The following ATRNL1 variants were observed in gnomAD, a reference collection of about 807,000 sequenced individuals.
The protein encoded by ATRNL1 is attractin like 1, also known as attractin-like protein 1.
A neutral mutation model predicts 182.7 loss-of-function variants in ATRNL1; 95 were observed. That is an observed-to-expected ratio of 0.52 (90% CI 0.44 to 0.62). The LOEUF (loss-of-function observed/expected upper bound fraction) is 0.62. ATRNL1 is among the 20% of genes least tolerant of loss of function. The pLI is 0.00. For missense variants in ATRNL1, 1,471 were observed against 1,679.5 expected (o/e 0.88, Z 2.17); for synonymous variants, 576 against 568.3 (o/e 1.01, Z -0.19).
At chr10:115,654,973 A>G (rs1555035387) in intron 26 of ATRNL1, among the ~76,000 whole-genome samples, 1 of 152,196 alleles carries the variant, frequency 6.6e-6, no homozygotes, top group Non-Finnish European at 1.5e-5. Context: ...TGGGTAGGCC[A>G]GCTACCATGT....
chr10:115,466,357 A>T (rs911317090), intron 22 of ATRNL1, among the ~76,000 whole-genome samples: 16 of 151,434 alleles, frequency 1.1e-4, no homozygotes, highest in African/African-American at 2.9e-4. Flanking sequence ...TGTAGAGAAT[A>T]TTTAAAATAA....
chr10:115,815,415 A>ATGTGTGTGTGTG (rs367551845), intron 27 of ATRNL1, among the ~76,000 whole-genome samples: 1,842 of 143,010 alleles, frequency 0.013, 20 homozygotes, highest in African/African-American at 0.017. Flanking sequence ...GTGTGTGTGT[A>ATGTGTGTGTGTG]TGTGTGTGTG....
intron 23 of ATRNL1, 23 bp downstream of exon 23, chr10:115,467,275 T>C: frequency 6.5e-7 from 1 of 1,529,940 alleles, no homozygotes; most frequent in Non-Finnish European, 9.0e-7. Flanking sequence ...TGATGTCATA[T>C]CTCTTTTACA....
chr10:115,578,692 T>C (rs1405711487), intron 26 of ATRNL1, among the ~76,000 whole-genome samples: 1 of 151,610 alleles, frequency 6.6e-6, no homozygotes, highest in Non-Finnish European at 1.5e-5. Context: ...ATTTTAGTTT[T>C]GTTAATATTT....
At position 115,946,173 on chromosome 10, in the gene ATRNL1, C is replaced by T. The variant is rs1057210580; in HGVS notation, c.*1394C>T. On this transcript the variant is annotated 3_prime_UTR_variant, in exon 29 of 29. Coordinates refer to ENST00000355044, the MANE Select transcript of ATRNL1 (RefSeq NM_207303.4). Reference sequence around the variant, plus strand: ...ATATAGCTTTGTTAAATATGAAGGTCCTTTAAATACAATTGATGTTTAGTA... The same window carrying T: ...ATATAGCTTTGTTAAATATGAAGGTTCTTTAAATACAATTGATGTTTAGTA... 3.3e-5 allele frequency: 5 copies of T among 152,148 alleles called. No individual in the cohort carries two copies. The highest frequency in any genetic ancestry group is 5.9e-5 in the Non-Finnish European group (4 of 68,036). The allele number at this position is 152,148 out of a possible 1,614,324, so 9.4% of individuals were successfully genotyped here.
chr10:115,786,639 G>T (rs1443406859), intron 27 of ATRNL1, among the ~76,000 whole-genome samples: 1 of 152,126 alleles, frequency 6.6e-6, no homozygotes, highest in Non-Finnish European at 1.5e-5. Context: ...TATCTGCAAA[G>T]ACTCTATTTC....
At chr10:115,772,240 A>G (rs1832791664) in intron 27 of ATRNL1, among the ~76,000 whole-genome samples, 1 of 152,198 alleles carries the variant, frequency 6.6e-6, no homozygotes, top group South Asian at 2.1e-4. Context: ...CAATATTCAC[A>G]ATGGCATTTC....
chr10:115,633,941 T>C (rs1324202032), intron 26 of ATRNL1, among the ~76,000 whole-genome samples: 1 of 152,106 alleles, frequency 6.6e-6, no homozygotes, highest in Non-Finnish European at 1.5e-5. Flanking sequence ...AAATTTACCT[T>C]TATTATCATT....
In ATRNL1 at chr10:115,506,969, A is replaced by G. The variant is rs540428361; in HGVS notation, c.3655-12294A>G. ...CACAGCCTCAGGAAGTTTTGATGAC[A>G]TGTGCCCAAAGTGATTAGAACACAG... is the stretch of plus-strand genomic sequence containing the variant. On this transcript the variant is annotated intron_variant, in intron 24 of 28. Transcript: ENST00000355044. 2.2e-4 allele frequency among the ~76,000 whole-genome samples: 33 copies of G among 152,226 alleles called. No homozygotes were observed. In the South Asian group the frequency reaches 2.9e-3, roughly 13 times the overall value.
chr10:115,358,247 A>T (rs1172603299), intron 19 of ATRNL1, among the ~76,000 whole-genome samples: 2 of 151,738 alleles, frequency 1.3e-5, no homozygotes, highest in African/African-American at 4.8e-5. Flanking sequence ...AAGAAAAAAG[A>T]GACAATTTTC....
intron 5 of ATRNL1, among the ~76,000 whole-genome samples, chr10:115,158,097 C>T (rs1296535340): frequency 1.3e-5 from 2 of 151,822 alleles, no homozygotes; most frequent in Non-Finnish European, 2.9e-5. Context: ...TCTGAATGTC[C>T]GTTTCCCAGA....
intron 26 of ATRNL1, among the ~76,000 whole-genome samples, chr10:115,568,299 CTTTT>C (rs1555002510): frequency 6.6e-6 from 1 of 151,888 alleles, no homozygotes; most frequent in African/African-American, 2.4e-5. Context: ...TTGGTTTCAT[CTTTT>C]TTATGTTAAA....
At chr10:115,481,333 A>G (rs1466271388) in intron 24 of ATRNL1, among the ~76,000 whole-genome samples, 2 of 150,742 alleles carry the variant, frequency 1.3e-5, no homozygotes, top group Non-Finnish European at 3.0e-5. Flanking sequence ...CTTTGTGTGC[A>G]TTCATCTTCT....
intron 9 of ATRNL1, among the ~76,000 whole-genome samples, chr10:115,232,288 G>A (rs1849987560): frequency 1.3e-5 from 2 of 151,850 alleles, no homozygotes; most frequent in Non-Finnish European, 2.9e-5. Context: ...AATATTTTTT[G>A]CCAATATGGT....
At chr10:115,150,535 A>C (rs1554880337) in intron 5 of ATRNL1, among the ~76,000 whole-genome samples, 1 of 151,104 alleles carries the variant, frequency 6.6e-6, no homozygotes, top group African/African-American at 2.4e-5. Context: ...TTATGTTTTG[A>C]TTTTCATTTG....
At chr10:115,582,439 A>G (rs1447987842) in intron 26 of ATRNL1, among the ~76,000 whole-genome samples, 3 of 135,782 alleles carry the variant, frequency 2.2e-5, no homozygotes, top group Admixed American at 7.8e-5. Context: ...TTGCCATTCT[A>G]ACTGGTGTGA....
chr10:115,353,669 T>C lies in ATRNL1; in HGVS notation c.3175+19250T>C, dbSNP rs372520464. On this transcript the variant is annotated intron_variant, in intron 19 of 28. Coordinates refer to ENST00000355044, the MANE Select transcript of ATRNL1 (RefSeq NM_207303.4). Reference sequence around the variant, plus strand: ...TTTCTTCCTCTCTTCCTTTTTAGATTAGTGATTTCCTCTGGCTGTATGTTT... The same window carrying C: ...TTTCTTCCTCTCTTCCTTTTTAGATCAGTGATTTCCTCTGGCTGTATGTTT... Among the ~76,000 whole-genome samples, 39 of 152,324 alleles carry C rather than the reference T, an allele frequency of 2.6e-4. 1 individual carries two copies. The South Asian group carries it at 8.1e-3, about 32-fold the overall frequency.
chr10:115,639,083 T>G (rs2133851821), intron 26 of ATRNL1, among the ~76,000 whole-genome samples: 1 of 151,924 alleles, frequency 6.6e-6, no homozygotes, highest in African/African-American at 2.4e-5. Flanking sequence ...TGCTAAGAAA[T>G]CCCCACCAAA....
intron 3 of ATRNL1, among the ~76,000 whole-genome samples, chr10:115,123,773 C>G (rs1844843460): frequency 6.6e-6 from 1 of 152,140 alleles, no homozygotes; most frequent in Admixed American, 6.5e-5. Flanking sequence ...CAGCTGCTCC[C>G]CACTGCTTGC....
Sources: gnomAD v4.1 joint callset for allele counts (sites outside exome capture counted in the v4.1 genomes callset) on GRCh38, gnomAD v4.1.1 for gene constraint, MANE v1.5 for transcripts, NCBI Gene and HGNC (gene_info 2026-07-23, HGNC 2026-07-21) for gene names.